The following RHBDL2 variants were observed in gnomAD, a reference collection of about 807,000 sequenced individuals.
The protein encoded by RHBDL2 is rhomboid-related protein 2.
Under a neutral mutation model 31.7 loss-of-function variants are expected in RHBDL2, and 26 were observed. The ratio of observed to expected loss-of-function variants is 0.82; its 90% CI spans 0.60 to 1.14. RHBDL2 has a LOEUF of 1.14. Ranked by LOEUF, RHBDL2 falls within the 50% of genes most tolerant of loss-of-function variation. RHBDL2 has a pLI of 0.00. For missense variants in RHBDL2, 336 were observed against 364.4 expected, an observed-to-expected ratio of 0.92 and a Z score of 0.63; for synonymous variants, 123 against 127.2, an observed-to-expected ratio of 0.97 and a Z score of 0.22.
chr1:38,931,884 A>G (rs1003088241), intron 1 of RHBDL2, among the ~76,000 whole-genome samples: 34 of 152,170 alleles, frequency 2.2e-4, no homozygotes, highest in African/African-American at 7.7e-4. Flanking sequence ...GGTAGACTAA[A>G]GACGGAGCAT....
intron 4 of RHBDL2, among the ~76,000 whole-genome samples, chr1:38,897,541 C>T (rs949007652): frequency 2.6e-5 from 4 of 152,002 alleles, no homozygotes; most frequent in East Asian, 1.9e-4. Context: ...GAGTGATATC[C>T]GTCTCCAAAA....
chr1:38,926,637 G>A (rs999287029), intron 1 of RHBDL2: 9 of 152,086 alleles, frequency 5.9e-5, no homozygotes, highest in African/African-American at 2.2e-4. Context: ...GGGCATTCGA[G>A]ACCAGCCTGA....
chr1:38,919,021 C>T lies in RHBDL2; in HGVS notation c.192G>A (p.Glu64=). 1 of 1,614,166 alleles carries T rather than the reference C, an allele frequency of 6.2e-7. No individual in the cohort carries two copies. Among genetic ancestry groups the T allele is most frequent in the Admixed American group, 1.7e-5 (1 of 59,992 alleles). Residue 64 remains glutamate, a synonymous_variant, in exon 2 of 8, where the codon GAG becomes GAA. Coordinates refer to ENST00000372990, the MANE Select transcript of RHBDL2 (RefSeq NM_017821.5). Reference sequence around the variant, plus strand: ...CGGGAGGCGGGAAGCAGTTAGCTCTCTCCAAGTATGTTCCTCGGGACTTTT... The same window carrying T: ...CGGGAGGCGGGAAGCAGTTAGCTCTTTCCAAGTATGTTCCTCGGGACTTTT... ...LPEKSRGTYL[E]RANCFPPPVF... is the part of the protein sequence containing the mutation.
At chr1:38,911,127 C>T (rs768502416) in intron 4 of RHBDL2, among the ~76,000 whole-genome samples, 195 bp downstream of exon 4, 87 of 152,196 alleles carry the variant, frequency 5.7e-4, no homozygotes, top group South Asian at 1.0e-3. Context: ...TACCTGAGGA[C>T]AGGCACAATG....
intron 4 of RHBDL2, among the ~76,000 whole-genome samples, chr1:38,899,750 G>A (rs913597324): frequency 6.6e-6 from 1 of 152,216 alleles, no homozygotes; most frequent in Non-Finnish European, 1.5e-5. Context: ...GCCAACAGCC[G>A]AGAGCTGAGC....
At chr1:38,907,297 T>C (rs942607439) in intron 4 of RHBDL2, among the ~76,000 whole-genome samples, 47 of 152,190 alleles carry the variant, frequency 3.1e-4, no homozygotes, top group African/African-American at 1.1e-3. Flanking sequence ...CCCAGCACTT[T>C]GGGAGGCCGA....
chr1:38,894,707 C>CTTTTTTTTTTTTTTTTTTTTTTTTTTT (rs71057159), intron 5 of RHBDL2, among the ~76,000 whole-genome samples: 3 of 114,192 alleles, frequency 2.6e-5, no homozygotes, highest in African/African-American at 3.6e-5. Context: ...CTTTTTTTTT[C>CTTTTTTTTTTTTTTTTTTTTTTTTTTT]TTTTTTTTTT....
At chr1:38,938,355 C>G (rs974574155) in intron 1 of RHBDL2, among the ~76,000 whole-genome samples, 2 of 152,128 alleles carry the variant, frequency 1.3e-5, no homozygotes, top group Admixed American at 6.6e-5. Context: ...TGGTTTAAAG[C>G]CTAGATTCCT....
intron 4 of RHBDL2, among the ~76,000 whole-genome samples, chr1:38,909,941 C>A (rs1269689713): frequency 6.6e-6 from 1 of 151,936 alleles, no homozygotes; most frequent in Admixed American, 6.6e-5. Flanking sequence ...AAAACTGAAA[C>A]AACTCAGATA....
chr1:38,903,424 G>A (rs548147936), intron 4 of RHBDL2, among the ~76,000 whole-genome samples: 8 of 152,266 alleles, frequency 5.3e-5, no homozygotes, highest in African/African-American at 1.7e-4. Flanking sequence ...ACAGGCATGA[G>A]CTACCACCCC....
At chr1:38,905,006 G>T (rs1197569064) in intron 4 of RHBDL2, among the ~76,000 whole-genome samples, 1 of 150,246 alleles carries the variant, frequency 6.7e-6, no homozygotes, top group African/African-American at 2.4e-5. Context: ...ACTCCAGCCT[G>T]GGCAACAGAG....
chr1:38,938,022 ATT>A (rs72308723), intron 1 of RHBDL2, among the ~76,000 whole-genome samples: 30 of 147,044 alleles, frequency 2.0e-4, no homozygotes, highest in African/African-American at 6.9e-4. Flanking sequence ...CTCATTGCTA[ATT>A]TTTTTTTTTT....
At chr1:38,927,378 G>C (rs1643390416) in intron 1 of RHBDL2, among the ~76,000 whole-genome samples, 1 of 152,084 alleles carries the variant, frequency 6.6e-6, no homozygotes, top group South Asian at 2.1e-4. Context: ...GGTGAGCCGA[G>C]ATCGCGCCAC....
At chr1:38,920,301 G>A (rs1478768432) in intron 1 of RHBDL2, among the ~76,000 whole-genome samples, 2 of 150,204 alleles carry the variant, frequency 1.3e-5, no homozygotes, top group African/African-American at 2.5e-5. Context: ...CCAAGTAGCT[G>A]GGATTATGGG....
At chr1:38,938,274 C>T (rs1005579707) in intron 1 of RHBDL2, among the ~76,000 whole-genome samples, 1 of 152,102 alleles carries the variant, frequency 6.6e-6, no homozygotes, top group Non-Finnish European at 1.5e-5. Context: ...CTCGGCCTCC[C>T]AAAGTGCTGG....
At chr1:38,920,169 T>TA (rs1399841247) in intron 1 of RHBDL2, among the ~76,000 whole-genome samples, 1 of 142,228 alleles carries the variant, frequency 7.0e-6, no homozygotes, top group African/African-American at 2.7e-5. Flanking sequence ...ATGTTTTCTT[T>TA]TTTTTTTTTT....
intron 4 of RHBDL2, among the ~76,000 whole-genome samples, chr1:38,899,105 A>G (rs939057187): frequency 2.6e-5 from 4 of 152,214 alleles, no homozygotes; most frequent in Non-Finnish European, 1.5e-5. Context: ...TTCTAGGGAT[A>G]ATCCTTGTTT....
chr1:38,895,880 T>C (rs1234900993), intron 5 of RHBDL2, 89 bp downstream of exon 5: 4 of 797,408 alleles, frequency 5.0e-6, no homozygotes, highest in Non-Finnish European at 8.3e-6. Context: ...TCAGTAAATA[T>C]TGATAAATGA....
intron 3 of RHBDL2, among the ~76,000 whole-genome samples, chr1:38,913,836 C>T (rs999378433): frequency 6.6e-6 from 1 of 152,038 alleles, no homozygotes; most frequent in Non-Finnish European, 1.5e-5. Flanking sequence ...AAACTATAGG[C>T]GGCCGGGCAC....
Sources: gnomAD v4.1 joint callset for allele counts (sites outside exome capture counted in the v4.1 genomes callset) on GRCh38, gnomAD v4.1.1 for gene constraint, MANE v1.5 for transcripts, NCBI Gene and HGNC (gene_info 2026-07-23, HGNC 2026-07-21) for gene names.